GAS7: variants seen among roughly 807,000 people sequenced by gnomAD.
GAS7 encodes the protein growth arrest specific 7, also known as growth arrest-specific protein 7.
Under a neutral mutation model 71.1 loss-of-function variants are expected in GAS7, and 28 were observed. That is an observed-to-expected ratio of 0.39 (90% CI 0.29 to 0.54). The LOEUF is 0.54. Among genes scored for constraint, GAS7 ranks in the 20% least tolerant of loss-of-function variants. GAS7 has a pLI of 0.62. For synonymous variants in GAS7, 258 were observed against 245.8 expected, an observed-to-expected ratio of 1.05 and a Z score of -0.46; for missense variants, 436 against 627.8, an observed-to-expected ratio of 0.69 and a Z score of 3.27.
intron 1 of GAS7, among the ~76,000 whole-genome samples, chr17:10,070,341 C>CTTTTTTTTT (rs71365713): frequency 2.8e-3 from 292 of 106,030 alleles, no homozygotes; most frequent in Non-Finnish European, 3.6e-3. Flanking sequence ...TCTCTCTCTT[C>CTTTTTTTTT]TTTTTTTTTT....
chr17:10,183,596 T>C (rs1236170503), intron 1 of GAS7, among the ~76,000 whole-genome samples: 1 of 152,104 alleles, frequency 6.6e-6, no homozygotes, highest in Admixed American at 6.6e-5. Flanking sequence ...TCCCAGCACT[T>C]TGGGAGGCCG....
At chr17:10,181,229 G>T (rs565530226) in intron 1 of GAS7, among the ~76,000 whole-genome samples, 1 of 146,322 alleles carries the variant, frequency 6.8e-6, no homozygotes, top group Non-Finnish European at 1.5e-5. Flanking sequence ...GCGTGGTGGT[G>T]CATGCCTGTA....
chr17:10,106,125 G>A (rs992781069), intron 1 of GAS7, among the ~76,000 whole-genome samples: 10 of 152,026 alleles, frequency 6.6e-5, no homozygotes, highest in Admixed American at 2.0e-4. Context: ...ATCAACTCCC[G>A]GTTCCTCCAT....
intron 2 of GAS7, among the ~76,000 whole-genome samples, chr17:9,998,961 A>C (rs890134422): frequency 6.6e-6 from 1 of 152,142 alleles, no homozygotes; most frequent in Admixed American, 6.5e-5. Context: ...AGGCCATTAG[A>C]CTGACATCTG....
At chr17:9,935,756 G>A (rs1187667169) in intron 8 of GAS7, among the ~76,000 whole-genome samples, 2 of 152,360 alleles carry the variant, frequency 1.3e-5, no homozygotes, top group East Asian at 3.9e-4. Flanking sequence ...GGTCCCCTCA[G>A]TGATCCTGGC....
chr17:10,019,718 C>G, intron 2 of GAS7, 59 bp downstream of exon 2: 1 of 1,563,752 alleles, frequency 6.4e-7, no homozygotes, highest in Non-Finnish European at 8.7e-7. Context: ...AAACGTGCCC[C>G]TCTAGAGAGC....
intron 1 of GAS7, among the ~76,000 whole-genome samples, chr17:10,112,759 A>AAAGAAAG (rs2073825535): frequency 3.5e-5 from 5 of 144,790 alleles, no homozygotes; most frequent in South Asian, 4.4e-4. Context: ...CAAAGAAAAG[A>AAAGAAAG]AAAAAGAAAG....
chr17:10,054,534 A>C (rs984999733), intron 1 of GAS7, among the ~76,000 whole-genome samples: 2 of 152,194 alleles, frequency 1.3e-5, no homozygotes, highest in African/African-American at 2.4e-5. Flanking sequence ...AAAACAAAAC[A>C]ACCACTAAAA....
chr17:10,025,987 C>T (rs1289110760), intron 1 of GAS7, among the ~76,000 whole-genome samples: 4 of 152,134 alleles, frequency 2.6e-5, no homozygotes, highest in African/African-American at 9.7e-5. Context: ...AACTATTTAA[C>T]AGACGGTGGA....
In GAS7 at chr17:10,165,915, T is replaced by G. The variant is rs189561391; in HGVS notation, c.183+32293A>C. On this transcript the variant is annotated intron_variant, in intron 1 of 13. Coordinates refer to ENST00000432992, the MANE Select transcript of GAS7 (RefSeq NM_201433.2). ...CCCAGGCCTCAGGATGCCTCCCTAT[T>G]ACACAGGAAGGTCATTCTGTCCTTG... Among the ~76,000 whole-genome samples, 623 of 151,954 alleles carry G rather than the reference T, an allele frequency of 4.1e-3. 7 individuals carry two copies. The highest frequency in any genetic ancestry group is 2.8e-3 in the Non-Finnish European group (189 of 68,000).
chr17:10,089,721 G>A (rs1268633871), intron 1 of GAS7, among the ~76,000 whole-genome samples: 1 of 152,118 alleles, frequency 6.6e-6, no homozygotes, highest in African/African-American at 2.4e-5. Flanking sequence ...AAGGTAAGGA[G>A]GAGAGGCAGT....
intron 1 of GAS7, among the ~76,000 whole-genome samples, chr17:10,181,755 G>A (rs1486408960): frequency 6.6e-6 from 1 of 152,138 alleles, no homozygotes; most frequent in Non-Finnish European, 1.5e-5. Context: ...ATATGAGATA[G>A]GAATTTGGCA....
In GAS7 at chr17:10,103,697, A is replaced by G. The variant is rs970847880; in HGVS notation, c.184-83800T>C. ...AAAAATTAGCTGGGTGTGGTGGCACATGCCTGTAATCCCGGCTACTAGGGA... is the reference window on the plus strand; with the variant it reads ...AAAAATTAGCTGGGTGTGGTGGCACGTGCCTGTAATCCCGGCTACTAGGGA... On this transcript the variant is annotated intron_variant, in intron 1 of 13. Transcript: ENST00000432992. The surrounding 1 kb of genome is among the most constrained non-coding windows in gnomAD (Gnocchi z 5.5). Among the ~76,000 whole-genome samples the G allele has an allele frequency of 6.6e-5, 10 of 152,036 alleles. No homozygotes were observed. The highest frequency in any genetic ancestry group is 5.9e-5 in the Non-Finnish European group (4 of 67,992).
intron 1 of GAS7, among the ~76,000 whole-genome samples, chr17:10,148,909 CA>C (rs752140645): frequency 4.3e-4 from 50 of 117,286 alleles, no homozygotes; most frequent in Admixed American, 1.1e-3. Context: ...GACTCCGCCT[CA>C]AAAAAAAAAA....
chr17:10,151,873 T>G (rs1212856013), intron 1 of GAS7, among the ~76,000 whole-genome samples: 1 of 152,180 alleles, frequency 6.6e-6, no homozygotes, highest in East Asian at 1.9e-4. Context: ...GTTTTGACTT[T>G]TACTTCTGAC....
At chr17:10,114,090 T>A (rs1162654116) in intron 1 of GAS7, among the ~76,000 whole-genome samples, 1 of 152,054 alleles carries the variant, frequency 6.6e-6, no homozygotes, top group African/African-American at 2.4e-5. Context: ...AATCTTTTTT[T>A]TTCTTTCATT....
intron 1 of GAS7, among the ~76,000 whole-genome samples, chr17:10,192,446 C>T (rs1442718023): frequency 6.6e-6 from 1 of 152,142 alleles, no homozygotes; most frequent in Admixed American, 6.6e-5. Context: ...CTTTCACCAG[C>T]GAAGTGAGGA....
chr17:9,967,463 T>C (rs1414125824), intron 4 of GAS7, among the ~76,000 whole-genome samples: 2 of 152,126 alleles, frequency 1.3e-5, no homozygotes, highest in East Asian at 3.9e-4. Flanking sequence ...CCAGACATTG[T>C]CAAAAGTCCC....
At chr17:9,947,751 C>T (rs988341386) in intron 5 of GAS7, among the ~76,000 whole-genome samples, 6 of 127,338 alleles carry the variant, frequency 4.7e-5, no homozygotes, top group East Asian at 2.1e-4. Context: ...ATTGTACGAA[C>T]GAAACTATGT....
Sources: gnomAD v4.1 joint callset for allele counts (sites outside exome capture counted in the v4.1 genomes callset) on GRCh38, gnomAD v4.1.1 for gene constraint, Gnocchi (gnomAD v3.1) non-coding constraint, MANE v1.5 for transcripts, NCBI Gene and HGNC (gene_info 2026-07-23, HGNC 2026-07-21) for gene names.